The following CACNA2D3 variants were observed in gnomAD, a reference collection of about 807,000 sequenced individuals.
CACNA2D3 encodes voltage-dependent calcium channel subunit alpha-2/delta-3.
In CACNA2D3, 60 loss-of-function variants were observed where a neutral mutation model predicts 160.6. The ratio of observed to expected loss-of-function variants is 0.37; its 90% CI spans 0.30 to 0.46. CACNA2D3 has a LOEUF of 0.46. CACNA2D3 is among the 20% of genes least tolerant of loss of function. The pLI, the probability that CACNA2D3 is intolerant of heterozygous loss-of-function variation, is 1.00. For synonymous variants in CACNA2D3, 558 were observed against 492.9 expected (o/e 1.13, Z -1.75); for missense variants, 1,205 against 1,365.0 (o/e 0.88, Z 1.85).
intron 10 of CACNA2D3, chr3:54,638,327 TA>T (rs1699424744): frequency 6.6e-6 from 1 of 151,896 alleles, no homozygotes; most frequent in African/African-American, 2.4e-5. Flanking sequence ...TGATTTGGGA[TA>T]AAGAAAAAGG....
At chr3:55,006,119 TTAG>T (rs1415252569) in intron 32 of CACNA2D3, among the ~76,000 whole-genome samples, 9 of 152,338 alleles carry the variant, frequency 5.9e-5, no homozygotes, top group African/African-American at 2.2e-4. Flanking sequence ...TCCCCTAACC[TTAG>T]CATGAATATT....
At chr3:54,582,391 G>T (rs541129740) in intron 9 of CACNA2D3, among the ~76,000 whole-genome samples, 2 of 152,330 alleles carry the variant, frequency 1.3e-5, no homozygotes, top group Admixed American at 1.3e-4. Context: ...AGGACGATAC[G>T]TTAAAGGAGA....
At chr3:54,394,053 G>C (rs1405782207) in intron 4 of CACNA2D3, among the ~76,000 whole-genome samples, 3 of 152,136 alleles carry the variant, frequency 2.0e-5, no homozygotes, top group African/African-American at 7.2e-5. Context: ...TATGAGGTAG[G>C]CATCTCATTC....
chr3:54,736,096 T>TACAC (rs1160293812), intron 11 of CACNA2D3, among the ~76,000 whole-genome samples: 1 of 19,650 alleles, frequency 5.1e-5, no homozygotes, highest in African/African-American at 2.3e-4. Flanking sequence ...TGTGTATATA[T>TACAC]ATACATATAT....
chr3:54,794,605 A>T (rs1559584148), intron 13 of CACNA2D3, among the ~76,000 whole-genome samples: 1 of 140,828 alleles, frequency 7.1e-6, no homozygotes, highest in Non-Finnish European at 1.6e-5. Flanking sequence ...TCTCAGATAT[A>T]TTTTTTTTTT....
chr3:54,560,989 A>G lies in CACNA2D3; in HGVS notation c.545-1811A>G, dbSNP rs533448809. Among the ~76,000 whole-genome samples, 22 of 152,322 alleles carry G rather than the reference A, an allele frequency of 1.4e-4. No individual in the cohort carries two copies. The South Asian group carries it at 4.1e-3, about 29-fold the overall frequency. On this transcript the variant is annotated intron_variant, in intron 5 of 37. Transcript: ENST00000474759. ...GTTTTGGTTACTGTAGCCCTGTAGT[A>G]TAGTTTGAAGTCAGATACTGTGATG...
chr3:54,662,114 T>C (rs1415697667), intron 11 of CACNA2D3, among the ~76,000 whole-genome samples: 1 of 152,114 alleles, frequency 6.6e-6, no homozygotes, highest in Non-Finnish European at 1.5e-5. Flanking sequence ...GGATGCCCAA[T>C]GCTCAGTTCG....
At position 54,576,298 on chromosome 3, in the gene CACNA2D3, A is replaced by G. The variant is rs112009845; in HGVS notation, c.889-5505A>G. Among the ~76,000 whole-genome samples, 47 of 152,152 alleles carry G rather than the reference A, an allele frequency of 3.1e-4. 2 individuals carry two copies. Among genetic ancestry groups the G allele is most frequent in the African/African-American group, 1.1e-3 (45 of 41,506 alleles). On this transcript the variant is annotated intron_variant, in intron 8 of 37. Transcript: ENST00000474759. The stretch of plus-strand genomic sequence containing the variant: ...TTGGCTCTCTGGCTTTTGGACTGTG[A>G]TTCACCTGAGCCTGTGTATGCTGGG...
At chr3:54,685,911 T>C (rs1700441323) in intron 11 of CACNA2D3, among the ~76,000 whole-genome samples, 1 of 152,234 alleles carries the variant, frequency 6.6e-6, no homozygotes, top group South Asian at 2.1e-4. Flanking sequence ...TTGTAGACTG[T>C]GGGGTGCTCA....
At chr3:54,516,032 C>A (rs1701544994) in intron 5 of CACNA2D3, among the ~76,000 whole-genome samples, 1 of 152,200 alleles carries the variant, frequency 6.6e-6, no homozygotes, top group South Asian at 2.1e-4. Context: ...TGTCAAAGGC[C>A]ACATCCTGGA....
chr3:55,074,122 A>C lies in CACNA2D3; in HGVS notation c.3192A>C (p.Ala1064=), dbSNP rs17054785. ...CCTGCCTTTCCCCATAGGAGAATGC[A>C]AGGGAGTGTGGGGGTGCGCCGAGTC... The part of the protein sequence containing the change: ...SCHGFHPEEN[A]RECGGAPSLQ... The change falls in exon 38 of 38, where the codon GCA becomes GCC. Residue 1064 remains alanine, a synonymous_variant. Transcript: ENST00000474759. The C allele has an allele frequency of 5.0e-6, 8 of 1,612,778 alleles. No homozygotes were observed. The Admixed American group carries it at 5.0e-5, about 10-fold the overall frequency.
chr3:54,412,689 A>G (rs1699690007), intron 4 of CACNA2D3, among the ~76,000 whole-genome samples: 1 of 145,310 alleles, frequency 6.9e-6, no homozygotes, highest in African/African-American at 2.6e-5. Context: ...TATTCATATA[A>G]TTGGATTTGC....
chr3:55,073,884 T>C, intron 37 of CACNA2D3, 25 bp downstream of exon 37: 1 of 1,586,828 alleles, frequency 6.3e-7, no homozygotes. Context: ...TGTTCCTGTT[T>C]CCTTTTCCCA....
intron 2 of CACNA2D3, among the ~76,000 whole-genome samples, chr3:54,231,143 G>C (rs1432404707): frequency 1.3e-5 from 2 of 152,222 alleles, no homozygotes; most frequent in African/African-American, 4.8e-5. Flanking sequence ...CCTCCCCAGG[G>C]AGAGGATGAG....
chr3:54,936,569 C>T (rs192120992), intron 27 of CACNA2D3, among the ~76,000 whole-genome samples: 21 of 152,314 alleles, frequency 1.4e-4, no homozygotes, highest in African/African-American at 4.6e-4. Flanking sequence ...GCACCTTCCC[C>T]TTCTGGTGCA....
intron 2 of CACNA2D3, among the ~76,000 whole-genome samples, chr3:54,205,837 A>G (rs1701266982): frequency 2.0e-5 from 3 of 152,194 alleles, no homozygotes; most frequent in Admixed American, 6.5e-5. Context: ...AATGTAGTTT[A>G]TGTTAGGGTT....
intron 23 of CACNA2D3, 62 bp from the exon 24 acceptor site, chr3:54,887,897 G>C: frequency 1.6e-6 from 2 of 1,257,836 alleles, no homozygotes; most frequent in East Asian, 2.3e-5. Context: ...GAGCCCATGA[G>C]TGCCTCTCAT....
chr3:54,936,062 T>C (rs538068530), intron 27 of CACNA2D3, among the ~76,000 whole-genome samples: 1 of 152,260 alleles, frequency 6.6e-6, no homozygotes, highest in East Asian at 1.9e-4. Flanking sequence ...TTGAATGAGT[T>C]ACTTAACCTC....
intron 4 of CACNA2D3, among the ~76,000 whole-genome samples, chr3:54,448,568 C>T (rs957254107): frequency 6.6e-6 from 1 of 152,158 alleles, no homozygotes; most frequent in African/African-American, 2.4e-5. Flanking sequence ...TGCCAGAAGG[C>T]CCAAATCTGT....
Sources: allele counts gnomAD v4.1 joint callset (sites outside exome capture counted in the v4.1 genomes callset), GRCh38; gene constraint gnomAD v4.1.1; transcripts MANE v1.5; gene names NCBI Gene and HGNC (gene_info 2026-07-23, HGNC 2026-07-21).